GPR137C: variants seen among roughly 807,000 people sequenced by gnomAD.
The protein encoded by GPR137C is G protein-coupled receptor 137C, also known as integral membrane protein GPR137C.
A neutral mutation model predicts 43.4 loss-of-function variants in GPR137C; 27 were observed. The observed-to-expected ratio is 0.62, with a 90% CI of 0.46 to 0.86. The LOEUF (loss-of-function observed/expected upper bound fraction) is 0.86. Ranked by LOEUF, GPR137C falls within the 40% of genes least tolerant of loss-of-function variation. The pLI is 0.00. For missense variants in GPR137C, 522 were observed against 534.6 expected, an observed-to-expected ratio of 0.98 and a Z score of 0.23; for synonymous variants, 285 against 226.9, an observed-to-expected ratio of 1.26 and a Z score of -2.30.
chr14:52,584,501 T>C (rs2038687662), intron 1 of GPR137C, among the ~76,000 whole-genome samples: 1 of 152,182 alleles, frequency 6.6e-6, no homozygotes, highest in Admixed American at 6.5e-5. Flanking sequence ...TTGTGCATGT[T>C]TGTGGTCTTC....
intron 3 of GPR137C, among the ~76,000 whole-genome samples, chr14:52,606,674 T>G (rs1304948585): frequency 6.6e-6 from 1 of 152,180 alleles, no homozygotes; most frequent in Non-Finnish European, 1.5e-5. Flanking sequence ...ATCCTTAGTT[T>G]TAATTATTTG....
chr14:52,553,243 C>G lies in GPR137C; in HGVS notation c.96C>G (p.Ala32=), dbSNP rs1236243804. The change falls in exon 1 of 7, where the codon GCC becomes GCG. Residue 32 remains alanine (A), a synonymous_variant. Transcript: ENST00000321662. The part of the protein sequence containing the change: ...TPGGGSGGGG[A]VAAASGAAVP... ...GCGGGGGCAGCGGAGGCGGAGGCGC[C>G]GTCGCTGCAGCCTCAGGCGCCGCGG... is the stretch of plus-strand genomic sequence containing the variant. The G allele has an allele frequency of 1.5e-5, 20 of 1,306,658 alleles. No individual in the cohort carries two copies. Among genetic ancestry groups the G allele is most frequent in the Non-Finnish European group, 1.8e-5 (19 of 1,028,018 alleles). The allele number at this position is 1,306,658 out of a possible 1,614,324, so 80.9% of individuals were successfully genotyped here.
At chr14:52,613,873 A>G (rs35832722) in intron 3 of GPR137C, among the ~76,000 whole-genome samples, 4,945 of 152,306 alleles carry the variant, frequency 0.032, 104 homozygotes, top group Non-Finnish European at 0.051. Flanking sequence ...TATACCCAGC[A>G]GTGGGATTGC....
chr14:52,552,906 A>G lies in GPR137C; in HGVS notation c.-242A>G, dbSNP rs761055118. On this transcript the variant is annotated 5_prime_UTR_variant, in exon 1 of 7. Transcript: ENST00000321662. ...TCTCCAGCCGAGAGTTGTTTTTTGC[A>G]GCTACGGAGCCGAGCCGCAGCAGGA... Among the ~76,000 whole-genome samples the G allele has an allele frequency of 3.3e-5, 5 of 151,466 alleles. No individual in the cohort carries two copies. Among genetic ancestry groups the G allele is most frequent in the Non-Finnish European group, 5.9e-5 (4 of 67,834 alleles).
intron 3 of GPR137C, chr14:52,613,597 A>G (rs369226198): frequency 4.6e-4 from 84 of 184,476 alleles, no homozygotes; most frequent in African/African-American, 1.8e-3. Context: ...ATAAGTGAGA[A>G]CATGCGATGT....
At chr14:52,559,201 C>A (rs2038240819) in intron 1 of GPR137C, among the ~76,000 whole-genome samples, 1 of 151,978 alleles carries the variant, frequency 6.6e-6, no homozygotes, top group South Asian at 2.1e-4. Flanking sequence ...ATGGTGAAAC[C>A]CCGTCTCTAC....
chr14:52,595,525 T>G (rs188389325), intron 1 of GPR137C, among the ~76,000 whole-genome samples: 2 of 152,328 alleles, frequency 1.3e-5, no homozygotes, highest in East Asian at 3.9e-4. Context: ...TTCTTTTTAC[T>G]CTTTTTTCTC....
At chr14:52,591,123 T>C (rs541574132) in intron 1 of GPR137C, among the ~76,000 whole-genome samples, 1 of 152,236 alleles carries the variant, frequency 6.6e-6, no homozygotes, top group Non-Finnish European at 1.5e-5. Context: ...AGAATGATGT[T>C]TTCCAGCTTC....
rs188214885 is a variant in GPR137C, at chr14:52,636,452, T to C, written c.*1337T>C. The C allele has an allele frequency of 3.9e-4, 59 of 152,206 alleles. No homozygotes were observed. Among genetic ancestry groups the C allele is most frequent in the African/African-American group, 1.4e-3 (58 of 41,566 alleles). The allele number at this position is 152,206 out of a possible 1,614,324, so 9.4% of individuals were successfully genotyped here. On this transcript the variant is annotated 3_prime_UTR_variant, in exon 7 of 7. Coordinates refer to ENST00000321662, the MANE Select transcript of GPR137C (RefSeq NM_001099652.2). ...CAAGGGAACAAGCAACATTGGGAAG[T>C]TGTCACAACATGCTCAAAGACAAAC...
At chr14:52,592,406 A>T (rs1282804496) in intron 1 of GPR137C, among the ~76,000 whole-genome samples, 1 of 152,160 alleles carries the variant, frequency 6.6e-6, no homozygotes, top group Non-Finnish European at 1.5e-5. Flanking sequence ...CAATGAATCT[A>T]TAAATTACCT....
chr14:52,576,546 T>C (rs555017080), intron 1 of GPR137C, among the ~76,000 whole-genome samples: 1 of 152,348 alleles, frequency 6.6e-6, no homozygotes, highest in East Asian at 1.9e-4. Flanking sequence ...TCTTATTGTT[T>C]TTCCATTAAG....
rs1213423502 is a variant in GPR137C at position 52,552,899 on chromosome 14, T to C, written c.-249T>C. On this transcript the variant is annotated 5_prime_UTR_variant, in exon 1 of 7. Coordinates refer to ENST00000321662, the MANE Select transcript of GPR137C (RefSeq NM_001099652.2). ...CTGATTGTCTCCAGCCGAGAGTTGT[T>C]TTTTGCAGCTACGGAGCCGAGCCGC... Among the ~76,000 whole-genome samples, 2 of 151,654 alleles carry C rather than the reference T, an allele frequency of 1.3e-5. No homozygotes were observed. Among genetic ancestry groups the C allele is most frequent in the Non-Finnish European group, 2.9e-5 (2 of 67,846 alleles).
At chr14:52,614,825 T>C (rs2039080805) in intron 3 of GPR137C, among the ~76,000 whole-genome samples, 2 of 152,198 alleles carry the variant, frequency 1.3e-5, no homozygotes, top group South Asian at 2.1e-4. Context: ...TTTTTTCCTA[T>C]AGAGTTTGAG....
At chr14:52,610,455 G>C (rs2039026553) in intron 3 of GPR137C, among the ~76,000 whole-genome samples, 1 of 152,102 alleles carries the variant, frequency 6.6e-6, no homozygotes, top group African/African-American at 2.4e-5. Context: ...TATTGAGAGA[G>C]AGATGACCAC....
intron 1 of GPR137C, among the ~76,000 whole-genome samples, chr14:52,570,919 A>T (rs974080055): frequency 3.3e-5 from 5 of 152,186 alleles, no homozygotes; most frequent in African/African-American, 1.2e-4. Flanking sequence ...TGTCCATATT[A>T]GACAGATTAA....
chr14:52,614,833 G>T (rs1262218016), intron 3 of GPR137C, among the ~76,000 whole-genome samples: 2 of 152,142 alleles, frequency 1.3e-5, no homozygotes, highest in African/African-American at 4.8e-5. Flanking sequence ...TATAGAGTTT[G>T]AGTTCCTCAT....
intron 1 of GPR137C, among the ~76,000 whole-genome samples, chr14:52,577,514 G>GCACA (rs752625898): frequency 5.6e-4 from 66 of 118,548 alleles, no homozygotes; most frequent in Non-Finnish European, 7.6e-4. Context: ...GTGCGCGCGC[G>GCACA]CGCACACACA....
intron 3 of GPR137C, among the ~76,000 whole-genome samples, chr14:52,627,639 G>T (rs2039243813): frequency 6.6e-6 from 1 of 152,028 alleles, no homozygotes; most frequent in Non-Finnish European, 1.5e-5. Context: ...AAGGTCAGGA[G>T]ATGAGACCAT....
At chr14:52,624,048 T>C (rs947170213) in intron 3 of GPR137C, among the ~76,000 whole-genome samples, 3 of 151,520 alleles carry the variant, frequency 2.0e-5, no homozygotes, top group Non-Finnish European at 4.4e-5. Context: ...TGAAAATATA[T>C]ATAATTTTTT....
Sources: allele counts gnomAD v4.1 joint callset (sites outside exome capture counted in the v4.1 genomes callset), GRCh38; gene constraint gnomAD v4.1.1; transcripts MANE v1.5; gene names NCBI Gene and HGNC (gene_info 2026-07-23, HGNC 2026-07-21).